MRPL42: variants seen among roughly 807,000 people sequenced by gnomAD.
MRPL42 encodes large ribosomal subunit protein mL42.
In MRPL42, 17 loss-of-function variants were observed where a neutral mutation model predicts 17.9. The observed-to-expected ratio is 0.95, with a 90% CI of 0.65 to 1.42. The LOEUF (loss-of-function observed/expected upper bound fraction) is 1.42, where lower values mean the gene tolerates loss of function less well. MRPL42 is among the 40% of genes most tolerant of loss of function. MRPL42 has a pLI of 0.00. For missense variants in MRPL42, 177 were observed against 175.2 expected (o/e 1.01, Z -0.06); for synonymous variants, 59 against 54.4 (o/e 1.08, Z -0.37).
At chr12:93,474,551 C>T (rs1196199349) in intron 2 of MRPL42, among the ~76,000 whole-genome samples, 3 of 152,118 alleles carry the variant, frequency 2.0e-5, no homozygotes, top group Non-Finnish European at 2.9e-5. Flanking sequence ...CCTTCAGCTT[C>T]AGCCACCTGA....
Position 93,497,819 on chromosome 12 carries a change from T to A in MRPL42, c.384-3357T>A, listed in dbSNP as rs181657541. 5.3e-5 allele frequency among the ~76,000 whole-genome samples: 8 copies of A among 152,058 alleles called. No individual in the cohort carries two copies. The East Asian group carries it at 1.5e-3, about 29-fold the overall frequency. On this transcript the variant is annotated intron_variant, in intron 5 of 5. Transcript: ENST00000549982. Reference sequence around the variant, plus strand: ...TCTTCACTGGTTCTTGTAATTTTTCTGTTGAAAATCCTCAAACAGCTTCCT... The same window carrying A: ...TCTTCACTGGTTCTTGTAATTTTTCAGTTGAAAATCCTCAAACAGCTTCCT...
intron 4 of MRPL42, 105 bp from the exon 5 acceptor site, chr12:93,487,392 A>C (rs1228957504): frequency 2.0e-6 from 2 of 1,021,692 alleles, no homozygotes; most frequent in African/African-American, 1.6e-5. Context: ...ACCCTAAAGT[A>C]CTATAGTGAA....
chr12:93,501,102 C>T lies in MRPL42; in HGVS notation c.384-74C>T, dbSNP rs573572624. The T allele has an allele frequency of 4.2e-6, 5 of 1,187,924 alleles. No individual in the cohort carries two copies. In the East Asian group the frequency reaches 1.5e-4, roughly 35 times the overall value. The allele number at this position is 1,187,924 out of a possible 1,614,324, so 73.6% of individuals were successfully genotyped here. ...AAAATAGTTCCAATAGCAAAATAAT[C>T]ATAGAAGTTAGATTTTTATCAGGAA... On this transcript the variant is annotated intron_variant, in intron 5 of 5. Transcript: ENST00000549982.
chr12:93,491,992 A>T (rs1284974753), intron 5 of MRPL42, among the ~76,000 whole-genome samples: 1 of 152,150 alleles, frequency 6.6e-6, no homozygotes, highest in Non-Finnish European at 1.5e-5. Context: ...GTGTATGTGT[A>T]CCACATTTTC....
chr12:93,480,612 G>T (rs1172718452), intron 4 of MRPL42, among the ~76,000 whole-genome samples: 1 of 151,086 alleles, frequency 6.6e-6, no homozygotes, highest in Non-Finnish European at 1.5e-5. Context: ...CGCGATCTCG[G>T]CTCACAGCAG....
At chr12:93,470,616 C>A in intron 2 of MRPL42, 2 of 1,148,142 alleles carry the variant, frequency 1.7e-6, no homozygotes, top group Non-Finnish European at 2.2e-6. Context: ...TTCCCTCCAT[C>A]CCTCCATTCT....
chr12:93,484,700 G>T (rs572142848), intron 4 of MRPL42, among the ~76,000 whole-genome samples: 2 of 151,600 alleles, frequency 1.3e-5, no homozygotes, highest in Non-Finnish European at 2.9e-5. Flanking sequence ...GGGTTCAAAC[G>T]ATTCTTCTGC....
chr12:93,491,376 A>C (rs1052313436), intron 5 of MRPL42, among the ~76,000 whole-genome samples: 1 of 152,130 alleles, frequency 6.6e-6, no homozygotes, highest in African/African-American at 2.4e-5. Context: ...TTGGCCATTC[A>C]TATGTTTGGG....
At position 93,487,500 on chromosome 12, in the gene MRPL42, A is replaced by T. The variant is rs894743275; in HGVS notation, c.223A>T (p.Ile75Phe). Residue 75 changes from isoleucine (I) to phenylalanine (F), a missense_variant, in exon 5 of 6, where the codon ATC becomes TTC. By Grantham distance (21) the Ile-to-Phe change is conservative. Transcript: ENST00000549982. ...VDIPYEHTKP[I>F]PRPDPVHNNE... ...TTTGTTACTGATTATTTTGTAGCCT[A>T]TCCCTCGGCCAGATCCTGTGCATAA... 15 of 1,608,418 alleles carry T rather than the reference A, an allele frequency of 9.3e-6. No homozygotes were observed. The African/African-American group carries it at 1.6e-4, about 17-fold the overall frequency.
In MRPL42 at chr12:93,501,445, G is replaced by A. The variant is rs1010760247; in HGVS notation, c.*224G>A. The stretch of plus-strand genomic sequence containing the variant: ...CTATTTTAGTGTTTCATTTATGTGC[G>A]GTCTCCAATTTAGGACTTTTCCATA... On this transcript the variant is annotated 3_prime_UTR_variant, in exon 6 of 6. Transcript: ENST00000549982. 6 of 311,540 alleles carry A rather than the reference G, an allele frequency of 1.9e-5. No homozygotes were observed. The highest frequency in any genetic ancestry group is 8.7e-5 in the African/African-American group (4 of 45,980). The allele number at this position is 311,540 out of a possible 1,614,324, so 19.3% of individuals were successfully genotyped here.
chr12:93,507,883 TG>T lies in MRPL42; in HGVS notation c.*6667del. The T allele has an allele frequency of 6.6e-6, 1 of 152,536 alleles. No homozygotes were observed. The highest frequency in any genetic ancestry group is 1.5e-5 in the Non-Finnish European group (1 of 68,326). 9.4% of individuals were successfully genotyped at this position (152,536 alleles called of 1,614,324 possible). On this transcript the variant is annotated 3_prime_UTR_variant, in exon 6 of 6. Transcript: ENST00000549982. ...TCCCAGCACTTTGGGAGGCCAAGGT[TG>T]GGGGATTTCTTGAGCCCAGGAGTTC... is the stretch of plus-strand genomic sequence containing the variant.
In MRPL42 at chr12:93,511,865, A is replaced by C. The variant is rs1224888012; in HGVS notation, c.*10644A>C. ...TCCGGAATAATTACCTAAATTAAGG[A>C]GCTTGCCCTAGAATGTAAATCAACC... is the stretch of plus-strand genomic sequence containing the variant. On this transcript the variant is annotated 3_prime_UTR_variant, in exon 6 of 6. Coordinates refer to ENST00000549982, the MANE Select transcript of MRPL42 (RefSeq NM_014050.4). 6.6e-6 allele frequency: 1 copy of C among 152,228 alleles called. No homozygotes were observed. Among genetic ancestry groups the C allele is most frequent in the Admixed American group, 6.5e-5 (1 of 15,282 alleles). The allele number at this position is 152,228 out of a possible 1,614,324, so 9.4% of individuals were successfully genotyped here.
rs986293791 is a variant in MRPL42, at chr12:93,512,004, A to G, written c.*10783A>G. The stretch of plus-strand genomic sequence containing the variant: ...AACTTGTGTAAAGGCTAATGCAATA[A>G]GTTTGAGATTGTTCTCTTTATGTAA... On this transcript the variant is annotated 3_prime_UTR_variant, in exon 6 of 6. Transcript: ENST00000549982. 1.3e-5 allele frequency: 2 copies of G among 152,238 alleles called. No homozygotes were observed. The highest frequency in any genetic ancestry group is 1.3e-4 in the Admixed American group (2 of 15,288). 9.4% of individuals were successfully genotyped at this position (152,238 alleles called of 1,614,324 possible).
chr12:93,478,857 G>C (rs970786972), intron 3 of MRPL42, among the ~76,000 whole-genome samples: 1 of 151,868 alleles, frequency 6.6e-6, no homozygotes, highest in African/African-American at 2.4e-5. Context: ...ATGGGTACCA[G>C]GTTTGCCAAT....
In MRPL42 at chr12:93,514,994, A is replaced by G. The variant is rs1004758009; in HGVS notation, c.*13773A>G. 6.6e-6 allele frequency: 1 copy of G among 152,038 alleles called. No homozygotes were observed. The highest frequency in any genetic ancestry group is 2.4e-5 in the African/African-American group (1 of 41,382). 9.4% of individuals were successfully genotyped at this position (152,038 alleles called of 1,614,324 possible). A position where few individuals can be genotyped will look rare whatever the true frequency, so the allele number is the denominator to read the frequency against. On this transcript the variant is annotated 3_prime_UTR_variant, in exon 6 of 6. Transcript: ENST00000549982. ...ATCAGGATATCAAAATAGTCTCCAA[A>G]CTCAGCTGATTCCTTCTGCAGATAC...
intron 5 of MRPL42, among the ~76,000 whole-genome samples, chr12:93,491,444 A>T (rs1009416678): frequency 3.9e-5 from 6 of 152,152 alleles, no homozygotes; most frequent in Admixed American, 6.6e-5. Context: ...CCTATTTTTT[A>T]AAAAGCAAAT....
Position 93,469,272 on chromosome 12 carries a change from C to G in MRPL42, c.-14C>G. 6.3e-7 allele frequency: 1 copy of G among 1,596,844 alleles called. No individual in the cohort carries two copies. The highest frequency in any genetic ancestry group is 8.5e-7 in the Non-Finnish European group (1 of 1,172,510). On this transcript the variant is annotated 5_prime_UTR_variant, in exon 2 of 6. Coordinates refer to ENST00000549982, the MANE Select transcript of MRPL42 (RefSeq NM_014050.4). ...ATCTTTTTTCATACCACTTGATAAG[C>G]ATCTTGAAACACCATGGCTGTAGCT...
intron 4 of MRPL42, among the ~76,000 whole-genome samples, chr12:93,482,334 C>T (rs12426924): frequency 0.71 from 108,083 of 152,050 alleles, 38,736 homozygotes; most frequent in African/African-American, 0.77. Flanking sequence ...CTTTTCTCAA[C>T]AGCATTTATC....
chr12:93,494,255 C>G (rs141598937), intron 5 of MRPL42, among the ~76,000 whole-genome samples: 1 of 152,238 alleles, frequency 6.6e-6, no homozygotes, highest in Non-Finnish European at 1.5e-5. Flanking sequence ...CTGGCTGCTA[C>G]GCTACAAACA....
Sources: allele counts gnomAD v4.1 joint callset (sites outside exome capture counted in the v4.1 genomes callset), GRCh38; gene constraint gnomAD v4.1.1; transcripts MANE v1.5; gene names NCBI Gene and HGNC (gene_info 2026-07-23, HGNC 2026-07-21).